ZP1: variants seen among roughly 807,000 people sequenced by gnomAD.
The protein encoded by ZP1 is zona pellucida glycoprotein 1, also known as zona pellucida sperm-binding protein 1.
A neutral mutation model predicts 67.4 loss-of-function variants in ZP1; 58 were observed. That is an observed-to-expected ratio of 0.86 (90% confidence interval 0.70 to 1.07). ZP1 has a LOEUF of 1.07. ZP1 is among the 50% of genes least tolerant of loss of function. The pLI is 0.00. For synonymous variants in ZP1, 333 were observed against 332.7 expected (o/e 1.00, Z -0.01); for missense variants, 759 against 807.3 (o/e 0.94, Z 0.72).
At chr11:60,871,776 G>A (rs1045954350) in intron 6 of ZP1, among the ~76,000 whole-genome samples, 4 of 152,228 alleles carry the variant, frequency 2.6e-5, no homozygotes, top group Admixed American at 6.5e-5. Context: ...GGAACTGGGT[G>A]GGGGAGGAAC....
At position 60,873,540 on chromosome 11, in the gene ZP1, C is replaced by T; in HGVS notation, c.1406C>T (p.Pro469Leu). The T allele has an allele frequency of 6.2e-7, 1 of 1,612,658 alleles. No homozygotes were observed. The highest frequency in any genetic ancestry group is 8.5e-7 in the Non-Finnish European group (1 of 1,178,954). ...CCCAGTGCCAACCCCTTCCAGCAGC[C>T]CCAGTGGCCCATCCTGTCAGACGGG... ...GAPSANPFQQ[P>L]QWPILSDGCP... Residue 469 changes from proline to leucine, a missense_variant, in exon 8 of 12, where the codon CCC (proline) becomes CTC (leucine). Coordinates refer to ENST00000278853, the MANE Select transcript of ZP1 (RefSeq NM_207341.4).
At chr11:60,873,331 C>G (rs1855620996) in intron 7 of ZP1, 42 bp downstream of exon 7, 3 of 1,588,854 alleles carry the variant, frequency 1.9e-6, no homozygotes, top group Non-Finnish European at 2.6e-6. Context: ...CCCCACTTCC[C>G]TGATGCACAG....
rs746215835 is a variant in ZP1, at chr11:60,874,919, T to C, written c.1573-14T>C. ...ACTGAGCCAGCCACTTTGATGTTCT[T>C]CTCCTTCCACCAGGTTTACTTGTTC... is the stretch of plus-strand genomic sequence containing the variant. On this transcript the variant is annotated splice_polypyrimidine_tract_variant and intron_variant, in intron 9 of 11. Coordinates refer to ENST00000278853, the MANE Select transcript of ZP1 (RefSeq NM_207341.4). 3.1e-6 allele frequency: 5 copies of C among 1,614,068 alleles called. No homozygotes were observed. The Admixed American group carries it at 8.3e-5, about 27-fold the overall frequency.
chr11:60,869,323 C>T, intron 2 of ZP1, 57 bp downstream of exon 2: 1 of 1,601,950 alleles, frequency 6.2e-7, no homozygotes, highest in South Asian at 1.1e-5. Context: ...TCATGTCAGG[C>T]TGAAGAGGCC....
At chr11:60,868,055 T>TC (rs1267450527) in intron 1 of ZP1, among the ~76,000 whole-genome samples, 3 of 141,408 alleles carry the variant, frequency 2.1e-5, no homozygotes, top group Non-Finnish European at 4.6e-5. Flanking sequence ...TTTTTTTTTT[T>TC]CTGAGACAGT....
In ZP1 at chr11:60,871,327, C is replaced by T. The variant is rs1855565504; in HGVS notation, c.1112+13C>T. Reference sequence around the variant, plus strand: ...ACAGCACCTTCCAGTAAGGGCAGCCCTCCTCCTACAGGCGTGGCTGTGTGC... The same window carrying T: ...ACAGCACCTTCCAGTAAGGGCAGCCTTCCTCCTACAGGCGTGGCTGTGTGC... On this transcript the variant is annotated intron_variant, in intron 6 of 11. Transcript: ENST00000278853. The T allele has an allele frequency of 6.2e-7, 1 of 1,612,962 alleles. No individual in the cohort carries two copies. Among genetic ancestry groups the T allele is most frequent in the Non-Finnish European group, 8.5e-7 (1 of 1,179,844 alleles).
intron 1 of ZP1, 145 bp from the exon 2 acceptor site, chr11:60,869,000 G>T (rs1490303316): frequency 1.1e-5 from 10 of 913,704 alleles, no homozygotes; most frequent in South Asian, 6.8e-5. Flanking sequence ...GAGGGGGCTT[G>T]CCCAAGACCA....
intron 9 of ZP1, 33 bp from the exon 10 acceptor site, chr11:60,874,900 C>T: frequency 6.2e-7 from 1 of 1,610,142 alleles, no homozygotes; most frequent in Non-Finnish European, 8.5e-7. Context: ...TGGCACTGAG[C>T]CAGCCACTTT....
rs1428659826 is a variant in ZP1, at chr11:60,867,575, C to T, written c.14C>T (p.Ser5Leu). 2 of 1,608,650 alleles carry T rather than the reference C, an allele frequency of 1.2e-6. No homozygotes were observed. Among genetic ancestry groups the T allele is most frequent in the African/African-American group, 2.7e-5 (2 of 74,822 alleles). The change falls in exon 1 of 12, where the codon TCA becomes TTA. Residue 5 changes from serine (S) to leucine (L), a missense_variant. By Grantham distance (145) the Ser-to-Leu change is moderately radical. Transcript: ENST00000278853. The stretch of plus-strand genomic sequence containing the variant: ...CTGTGGCGTCTCATGGCAGGAGGCT[C>T]AGCCACGACCTGGGGTTACCCTGTG... MAGG[S>L]ATTWGYPVAL...
rs372620754 is a variant in ZP1, at chr11:60,875,641, A to G, written c.1902A>G (p.Glu634=). 3 of 1,613,956 alleles carry G rather than the reference A, an allele frequency of 1.9e-6. No individual in the cohort carries two copies. In the African/African-American group the frequency reaches 4.0e-5, roughly 22 times the overall value. ...AGACCTGGGCCCAGAAGCTCTGGGA[A>G]AGCAACAGACAGTGAATGGGCCCAA... is the stretch of plus-strand genomic sequence containing the variant. ...LSQTWAQKLW[E]SNRQ Residue 634 remains glutamate (E), a synonymous_variant, in exon 12 of 12, where the codon GAA becomes GAG. Coordinates refer to ENST00000278853, the MANE Select transcript of ZP1 (RefSeq NM_207341.4).
intron 6 of ZP1, 49 bp from the exon 7 acceptor site, chr11:60,873,113 T>A (rs1388582731): frequency 1.3e-6 from 2 of 1,514,956 alleles, no homozygotes; most frequent in Non-Finnish European, 1.8e-6. Flanking sequence ...GTAAACAGGA[T>A]GCTCTGATTC....
intron 9 of ZP1, 28 bp from the exon 10 acceptor site, chr11:60,874,905 C>A: frequency 6.2e-7 from 1 of 1,612,394 alleles, no homozygotes; most frequent in Non-Finnish European, 8.5e-7. Context: ...CTGAGCCAGC[C>A]ACTTTGATGT....
chr11:60,870,441 C>G lies in ZP1; in HGVS notation c.792C>G (p.Asn264Lys). Reference sequence around the variant, plus strand: ...AGCAGGCTGGCTGCTGCTATGACAACACCAGAGAGGTTCCCTGTTACTATG... The same window carrying G: ...AGCAGGCTGGCTGCTGCTATGACAAGACCAGAGAGGTTCCCTGTTACTATG... ...ACQQAGCCYD[N>K]TREVPCYYGN... Residue 264 changes from asparagine (N) to lysine (K), a missense_variant, in exon 4 of 12, where the codon AAC becomes AAG. Physicochemically the swap from Asn to Lys is moderately conservative, Grantham distance 94 (BLOSUM62 0). Transcript: ENST00000278853. 1 of 1,613,022 alleles carries G rather than the reference C, an allele frequency of 6.2e-7. No individual in the cohort carries two copies. Among genetic ancestry groups the G allele is most frequent in the Non-Finnish European group, 8.5e-7 (1 of 1,179,526 alleles).
Position 60,867,604 on chromosome 11 carries a change from C to T in ZP1, c.43C>T (p.Leu15=). The part of the protein sequence containing the change: ...SATTWGYPVA[L]LLLVATLGLG... ...CACGACCTGGGGTTACCCTGTGGCC[C>T]TGCTACTGCTGGTTGCCACCCTGGG... The change falls in exon 1 of 12, where the codon CTG becomes TTG. Residue 15 remains leucine, a synonymous_variant. Coordinates refer to ENST00000278853, the MANE Select transcript of ZP1 (RefSeq NM_207341.4). 1 of 1,613,468 alleles carries T rather than the reference C, an allele frequency of 6.2e-7. No individual in the cohort carries two copies. The highest frequency in any genetic ancestry group is 8.5e-7 in the Non-Finnish European group (1 of 1,179,620).
intron 6 of ZP1, among the ~76,000 whole-genome samples, chr11:60,872,444 C>A (rs2134833122): frequency 6.6e-6 from 1 of 152,306 alleles, no homozygotes; most frequent in South Asian, 2.1e-4. Context: ...CCTATACCTA[C>A]TCAGCATCTC....
chr11:60,873,796 C>A, intron 9 of ZP1, 21 bp downstream of exon 9: 2 of 1,612,280 alleles, frequency 1.2e-6, no homozygotes, highest in Non-Finnish European at 8.5e-7. Flanking sequence ...CCGGCTGCCG[C>A]ATGCCTGGTC....
chr11:60,873,578 C>A lies in ZP1; in HGVS notation c.1430+14C>A. 1 of 1,613,334 alleles carries A rather than the reference C, an allele frequency of 6.2e-7. No homozygotes were observed. The highest frequency in any genetic ancestry group is 8.5e-7 in the Non-Finnish European group (1 of 1,179,406). On this transcript the variant is annotated intron_variant, in intron 8 of 11. Coordinates refer to ENST00000278853, the MANE Select transcript of ZP1 (RefSeq NM_207341.4). ...CCTGTCAGACGGGTGAGTGCCCCCA[C>A]ACTCCCCCCACCTGCTCTGCCTCCT...
At chr11:60,869,093 C>CCT in intron 1 of ZP1, 52 bp from the exon 2 acceptor site, 1 of 1,607,960 alleles carries the variant, frequency 6.2e-7, no homozygotes, top group Non-Finnish European at 8.5e-7. Flanking sequence ...ACCCCAGCAA[C>CCT]CTCTCCCTGC....
Position 60,867,567 on chromosome 11 carries a change from A to T in ZP1, c.6A>T (p.Ala2=), listed in dbSNP as rs1590589087. M[A]GGSATTWGYP... is the part of the protein sequence containing the mutation. Reference sequence around the variant, plus strand: ...GGGTGTGTCTGTGGCGTCTCATGGCAGGAGGCTCAGCCACGACCTGGGGTT... The same window carrying T: ...GGGTGTGTCTGTGGCGTCTCATGGCTGGAGGCTCAGCCACGACCTGGGGTT... The change falls in exon 1 of 12, where the codon GCA becomes GCT. Residue 2 remains alanine (A), a synonymous_variant. Transcript: ENST00000278853. 1 of 1,607,742 alleles carries T rather than the reference A, an allele frequency of 6.2e-7. No individual in the cohort carries two copies. Among genetic ancestry groups the T allele is most frequent in the South Asian group, 1.1e-5 (1 of 90,538 alleles).
Sources: allele counts gnomAD v4.1 joint callset (sites outside exome capture counted in the v4.1 genomes callset), GRCh38; gene constraint gnomAD v4.1.1; transcripts MANE v1.5; gene names NCBI Gene and HGNC (gene_info 2026-07-23, HGNC 2026-07-21).